WDR19: variants seen among roughly 807,000 people sequenced by gnomAD.
The protein encoded by WDR19 is WD repeat domain 19.
WDR19 carries 121 observed loss-of-function variants against 180.0 expected under a neutral mutation model. The observed-to-expected ratio is 0.67, with a 90% CI of 0.58 to 0.78. The LOEUF (loss-of-function observed/expected upper bound fraction) is 0.78, where lower values mean the gene tolerates loss of function less well. WDR19 is among the 30% of genes least tolerant of loss of function. The pLI is 0.00. For synonymous variants in WDR19, 497 were observed against 540.7 expected (o/e 0.92, Z 1.12); for missense variants, 1,450 against 1,640.7 (o/e 0.88, Z 2.01).
At chr4:39,220,942 G>C (rs971112970) in intron 14 of WDR19, among the ~76,000 whole-genome samples, 1 of 121,848 alleles carries the variant, frequency 8.2e-6, no homozygotes, top group African/African-American at 3.2e-5. Context: ...GGCTGGTCTT[G>C]AACTCCTAGT....
intron 6 of WDR19, among the ~76,000 whole-genome samples, chr4:39,200,253 A>G (rs1727233204): frequency 6.6e-6 from 1 of 152,256 alleles, no homozygotes; most frequent in Admixed American, 6.5e-5. Flanking sequence ...AATATGAAAT[A>G]TGGCTCTGTA....
In WDR19 at chr4:39,256,100, T is replaced by C. The variant is rs1733730913; in HGVS notation, c.3114+140T>C. 1.1e-5 allele frequency: 5 copies of C among 461,052 alleles called. No individual in the cohort carries two copies. The East Asian group carries it at 1.7e-4, about 16-fold the overall frequency. 28.6% of individuals were successfully genotyped at this position (461,052 alleles called of 1,614,324 possible). On this transcript the variant is annotated intron_variant, in intron 27 of 36. Transcript: ENST00000399820. The stretch of plus-strand genomic sequence containing the variant: ...AGATTTGAAATCTCAGAGCTAACTC[T>C]GAAATATTCCTCTCCCTCCCACACC...
rs1033057702 is a variant in WDR19, at chr4:39,285,774, T to C, written c.*301T>C. On this transcript the variant is annotated 3_prime_UTR_variant, in exon 37 of 37. Transcript: ENST00000399820. The stretch of plus-strand genomic sequence containing the variant: ...ATATTCAGCTTTTTGCTAACTTTTG[T>C]ATTTTGAAAAACTTTAAAATAAAAT... 2.6e-5 allele frequency: 4 copies of C among 152,252 alleles called. No homozygotes were observed. The highest frequency in any genetic ancestry group is 9.6e-5 in the African/African-American group (4 of 41,470). The allele number at this position is 152,252 out of a possible 1,614,324, so 9.4% of individuals were successfully genotyped here.
intron 1 of WDR19, among the ~76,000 whole-genome samples, chr4:39,183,537 C>T (rs1350843960): frequency 6.6e-6 from 1 of 152,154 alleles, no homozygotes; most frequent in Non-Finnish European, 1.5e-5. Context: ...GCGTGAGCCA[C>T]CGCGCCCGGC....
At chr4:39,244,204 T>C (rs1242904398) in intron 21 of WDR19, 44 bp from the exon 22 acceptor site, 5 of 1,596,934 alleles carry the variant, frequency 3.1e-6, no homozygotes, top group Non-Finnish European at 4.3e-6. Flanking sequence ...ACACATCGTG[T>C]TAAGCTAGAA....
Position 39,224,863 on chromosome 4 carries a change from TG to T in WDR19, c.1480-19del. Reference sequence around the variant, plus strand: ...TGACTACCTTTTATATTTTCATGGCTGGATTTTTTTTTTTTTTTAGACTGGT... The same window carrying T: ...TGACTACCTTTTATATTTTCATGGCTGATTTTTTTTTTTTTTTAGACTGGT... On this transcript the variant is annotated intron_variant, in intron 14 of 36. Transcript: ENST00000399820. 1 of 1,480,714 alleles carries T rather than the reference TG, an allele frequency of 6.8e-7. No homozygotes were observed. The highest frequency in any genetic ancestry group is 9.0e-7 in the Non-Finnish European group (1 of 1,111,350). 91.7% of individuals were successfully genotyped at this position (1,480,714 alleles called of 1,614,324 possible).
intron 20 of WDR19, among the ~76,000 whole-genome samples, chr4:39,235,519 C>G (rs1312191808): frequency 6.6e-6 from 1 of 152,134 alleles, no homozygotes; most frequent in Non-Finnish European, 1.5e-5. Context: ...TTCTGACCTC[C>G]TTTAACACTT....
chr4:39,213,815 A>G (rs1268550561), intron 9 of WDR19, among the ~76,000 whole-genome samples: 2 of 152,168 alleles, frequency 1.3e-5, no homozygotes, highest in Non-Finnish European at 2.9e-5. Context: ...GTGGTATTAT[A>G]CTATAGTGTT....
intron 9 of WDR19, among the ~76,000 whole-genome samples, chr4:39,210,319 A>C (rs963053940): frequency 1.3e-5 from 2 of 152,268 alleles, no homozygotes; most frequent in Non-Finnish European, 2.9e-5. Flanking sequence ...AAAAAGAATT[A>C]TACTTCATGA....
chr4:39,279,642 G>C (rs745642), intron 36 of WDR19, among the ~76,000 whole-genome samples: 4 of 150,606 alleles, frequency 2.7e-5, no homozygotes, highest in Non-Finnish European at 5.9e-5. Flanking sequence ...CCCACCATCA[G>C]CACACAAGCG....
intron 6 of WDR19, among the ~76,000 whole-genome samples, chr4:39,202,212 T>C (rs1055786564): frequency 3.3e-5 from 5 of 152,198 alleles, no homozygotes; most frequent in Non-Finnish European, 7.4e-5. Context: ...TTTTTATCAC[T>C]CTGCAACCTT....
chr4:39,266,084 C>G lies in WDR19; in HGVS notation c.3205C>G (p.Leu1069Val). Residue 1069 changes from leucine to valine, a missense_variant, in exon 29 of 37, where the codon CTG becomes GTG. By Grantham distance (32) the Leu-to-Val change is conservative. Coordinates refer to ENST00000399820, the MANE Select transcript of WDR19 (RefSeq NM_025132.4). ...ACAGGTTGGTCAGGCCAAAGATGAA[C>G]TGCTGACCAATCAGCTGATAGACCA... is the stretch of plus-strand genomic sequence containing the variant. Reference protein sequence around the residue: ...IETVGQAKDELLTNQLIDHLL... With the variant: ...IETVGQAKDEVLTNQLIDHLL... 6.4e-7 allele frequency: 1 copy of G among 1,557,984 alleles called. No individual in the cohort carries two copies.
chr4:39,243,897 T>G (rs1446734212), intron 21 of WDR19, among the ~76,000 whole-genome samples: 1 of 152,208 alleles, frequency 6.6e-6, no homozygotes, highest in African/African-American at 2.4e-5. Flanking sequence ...AATCTTCAAT[T>G]TGATAAATGG....
chr4:39,261,625 G>A (rs932359288), intron 28 of WDR19, among the ~76,000 whole-genome samples: 1 of 152,206 alleles, frequency 6.6e-6, no homozygotes, highest in African/African-American at 2.4e-5. Flanking sequence ...AAGTTCAGTA[G>A]CCATGGAGAT....
chr4:39,262,309 A>C (rs1448151674), intron 28 of WDR19, among the ~76,000 whole-genome samples: 1 of 152,158 alleles, frequency 6.6e-6, no homozygotes, highest in Non-Finnish European at 1.5e-5. Context: ...AGGTGGCACA[A>C]TCAGAGCTCA....
At chr4:39,216,241 C>T in intron 12 of WDR19, 31 bp downstream of exon 12, 1 of 1,489,470 alleles carries the variant, frequency 6.7e-7, no homozygotes, top group Non-Finnish European at 9.0e-7. Context: ...TTATTCTTAT[C>T]TAGCACATAA....
intron 24 of WDR19, among the ~76,000 whole-genome samples, chr4:39,249,411 A>T (rs1242296415): frequency 1.4e-5 from 2 of 146,670 alleles, no homozygotes; most frequent in Non-Finnish European, 3.0e-5. Context: ...TAAAACTGAC[A>T]CCCTAACATC....
intron 10 of WDR19, 76 bp downstream of exon 10, chr4:39,214,747 G>C (rs1728885975): frequency 2.2e-6 from 2 of 901,486 alleles, no homozygotes; most frequent in African/African-American, 3.4e-5. Context: ...GTTATCGTGT[G>C]ATTTGCATTC....
At chr4:39,283,994 T>TCAA (rs1187213911) in intron 36 of WDR19, among the ~76,000 whole-genome samples, 1 of 152,200 alleles carries the variant, frequency 6.6e-6, no homozygotes, top group African/African-American at 2.4e-5. Context: ...CTGGCTACAT[T>TCAA]CAAGGAATTC....
Sources: gnomAD v4.1 joint callset for allele counts (sites outside exome capture counted in the v4.1 genomes callset) on GRCh38, gnomAD v4.1.1 for gene constraint, MANE v1.5 for transcripts, NCBI Gene and HGNC (gene_info 2026-07-23, HGNC 2026-07-21) for gene names.